The following PATJ variants were observed in gnomAD, a reference collection of about 807,000 sequenced individuals.
PATJ encodes the protein inaD-like protein.
In PATJ, 190 loss-of-function variants were observed where a neutral mutation model predicts 224.9. The observed-to-expected ratio is 0.84, with a 90% CI of 0.75 to 0.95. PATJ has a LOEUF of 0.95. PATJ is among the 40% of genes least tolerant of loss of function. The pLI is 0.00. For missense variants in PATJ, 2,121 were observed against 2,270.3 expected (o/e 0.93, Z 1.34); for synonymous variants, 769 against 820.3 (o/e 0.94, Z 1.07).
chr1:61,994,665 C>T (rs1645255567), intron 28 of PATJ, among the ~76,000 whole-genome samples: 1 of 152,142 alleles, frequency 6.6e-6, no homozygotes, highest in African/African-American at 2.4e-5. Context: ...AGCAATTCTC[C>T]TGCCTCAGCC....
chr1:62,087,961 G>A (rs1035301299), intron 33 of PATJ, among the ~76,000 whole-genome samples: 1 of 149,936 alleles, frequency 6.7e-6, no homozygotes, highest in African/African-American at 2.5e-5. Flanking sequence ...GTGCAATCTC[G>A]GCTCACCGCA....
intron 21 of PATJ, among the ~76,000 whole-genome samples, chr1:61,881,974 T>C (rs1033487983): frequency 3.3e-5 from 5 of 152,208 alleles, no homozygotes; most frequent in African/African-American, 9.7e-5. Context: ...TATACTCATA[T>C]TTTTTAAACT....
At chr1:61,979,436 C>T (rs981887907) in intron 27 of PATJ, among the ~76,000 whole-genome samples, 1 of 151,922 alleles carries the variant, frequency 6.6e-6, no homozygotes, top group African/African-American at 2.4e-5. Context: ...GGGCAGATCA[C>T]GAGGTCAGGA....
At chr1:62,112,177 C>T (rs879839260) in intron 34 of PATJ, among the ~76,000 whole-genome samples, 62 of 152,114 alleles carry the variant, frequency 4.1e-4, no homozygotes, top group Non-Finnish European at 6.5e-4. Context: ...ATTCTTTATG[C>T]CACTGGTCCT....
intron 24 of PATJ, among the ~76,000 whole-genome samples, chr1:61,903,920 C>T (rs1671533990): frequency 6.6e-6 from 1 of 151,790 alleles, no homozygotes; most frequent in South Asian, 2.1e-4. Flanking sequence ...TTACAGGCAC[C>T]CACCACCACG....
chr1:62,026,480 GTGTGTGTC>G (rs55936746), intron 29 of PATJ, among the ~76,000 whole-genome samples: 26,144 of 117,110 alleles, frequency 0.22, 2,687 homozygotes, highest in Non-Finnish European at 0.26. Flanking sequence ...GTGTGTGTGT[GTGTGTGTC>G]TGTGTGTGTG....
intron 33 of PATJ, among the ~76,000 whole-genome samples, chr1:62,098,710 C>G (rs1003856119): frequency 2.0e-5 from 3 of 152,198 alleles, no homozygotes; most frequent in African/African-American, 4.8e-5. Context: ...TTTAATTCCT[C>G]TGACCCCCCA....
chr1:61,997,061 C>A (rs922159456), intron 28 of PATJ, among the ~76,000 whole-genome samples: 7 of 150,338 alleles, frequency 4.7e-5, no homozygotes, highest in Admixed American at 4.6e-4. Flanking sequence ...TTCTAAATAG[C>A]TAAAAGTGTA....
chr1:61,806,602 G>C (rs558241972), intron 13 of PATJ, among the ~76,000 whole-genome samples: 1 of 148,984 alleles, frequency 6.7e-6, no homozygotes, highest in Non-Finnish European at 1.5e-5. Context: ...CTGGGTGACA[G>C]AGCGAGATTC....
intron 30 of PATJ, among the ~76,000 whole-genome samples, chr1:62,047,482 C>CCT (rs1365585334): frequency 2.0e-5 from 3 of 152,060 alleles, no homozygotes; most frequent in Non-Finnish European, 4.4e-5. Flanking sequence ...GAACTCCTGA[C>CCT]CTCGTGATCC....
intron 39 of PATJ, among the ~76,000 whole-genome samples, chr1:62,126,182 G>A (rs1665704196): frequency 6.6e-6 from 1 of 152,144 alleles, no homozygotes; most frequent in African/African-American, 2.4e-5. Context: ...CCTCTTCTCT[G>A]CTTTTCTTCT....
intron 24 of PATJ, among the ~76,000 whole-genome samples, chr1:61,908,018 C>T (rs1202784123): frequency 1.3e-5 from 2 of 152,150 alleles, no homozygotes; most frequent in Admixed American, 6.5e-5. Flanking sequence ...CATAGATATT[C>T]CCAGCCTCCC....
chr1:61,966,902 G>A (rs1285438233), intron 27 of PATJ, among the ~76,000 whole-genome samples: 1 of 152,078 alleles, frequency 6.6e-6, no homozygotes, highest in Non-Finnish European at 1.5e-5. Flanking sequence ...TAGCAGTGAG[G>A]ACAACCAGAG....
chr1:61,805,154 A>G (rs1653276929), intron 12 of PATJ, among the ~76,000 whole-genome samples: 1 of 152,202 alleles, frequency 6.6e-6, no homozygotes, highest in Non-Finnish European at 1.5e-5. Flanking sequence ...TAAACTGTAT[A>G]TAATTTAAAT....
chr1:61,748,514 C>A (rs1042088403), intron 1 of PATJ, among the ~76,000 whole-genome samples: 6 of 151,828 alleles, frequency 4.0e-5, no homozygotes, highest in Non-Finnish European at 8.8e-5. Context: ...CCTCAGCCTC[C>A]CAAAGTGCTG....
chr1:61,795,972 T>G (rs539962383), intron 10 of PATJ, among the ~76,000 whole-genome samples: 1 of 152,214 alleles, frequency 6.6e-6, no homozygotes, highest in Non-Finnish European at 1.5e-5. Context: ...CAACTAAAAT[T>G]GAGGTATTTT....
At chr1:62,114,493 A>G in intron 35 of PATJ, 1 of 358,864 alleles carries the variant, frequency 2.8e-6, no homozygotes, top group Non-Finnish European at 4.9e-6. Context: ...AAGAACAACT[A>G]GCAAGGTTCT....
At chr1:61,986,104 T>G (rs1404050917) in intron 27 of PATJ, among the ~76,000 whole-genome samples, 1 of 151,944 alleles carries the variant, frequency 6.6e-6, no homozygotes, top group Non-Finnish European at 1.5e-5. Context: ...GTGTTTGGAC[T>G]TAATTGTGAC....
chr1:61,817,699 G>A (rs1171956691), intron 14 of PATJ, among the ~76,000 whole-genome samples: 1 of 152,072 alleles, frequency 6.6e-6, no homozygotes, highest in Non-Finnish European at 1.5e-5. Context: ...GGAAGGGTGA[G>A]AAAAACAAAA....
Sources: allele counts gnomAD v4.1 joint callset (sites outside exome capture counted in the v4.1 genomes callset), GRCh38; gene constraint gnomAD v4.1.1; transcripts MANE v1.5; gene names NCBI Gene and HGNC (gene_info 2026-07-23, HGNC 2026-07-21).